The following SGCD variants were observed in gnomAD, a reference collection of about 807,000 sequenced individuals.
The protein encoded by SGCD is sarcoglycan delta.
SGCD carries 18 observed loss-of-function variants against 36.6 expected under a neutral mutation model. The ratio of observed to expected loss-of-function variants is 0.49; its 90% CI spans 0.34 to 0.73. The LOEUF is 0.73. Ranked by LOEUF, SGCD falls within the 30% of genes least tolerant of loss-of-function variation. SGCD has a pLI of 0.01. For synonymous variants in SGCD, 133 were observed against 130.6 expected, an observed-to-expected ratio of 1.02 and a Z score of -0.12; for missense variants, 387 against 346.7, an observed-to-expected ratio of 1.12 and a Z score of -0.92.
intron 3 of SGCD, among the ~76,000 whole-genome samples, chr5:156,348,949 A>G (rs1413782342): frequency 6.6e-6 from 1 of 152,144 alleles, no homozygotes; most frequent in Non-Finnish European, 1.5e-5. Context: ...ATAAAACCTA[A>G]TATTTAAAAT....
At chr5:155,734,237 G>A in the SGCD span, among the ~76,000 whole-genome samples, 3 of 150,456 alleles carry the variant, frequency 2.0e-5, no homozygotes, top group African/African-American at 7.3e-5. Context: ...ACAGGGTCTG[G>A]CTCTGTTGCC....
chr5:156,457,464 A>T (rs1274529913), intron 3 of SGCD, among the ~76,000 whole-genome samples: 1 of 152,250 alleles, frequency 6.6e-6, no homozygotes, highest in Admixed American at 6.5e-5. Flanking sequence ...TATTTGACAC[A>T]TCCATTCAAA....
At chr5:156,157,059 G>A (rs1170907418) in intron 3 of SGCD, among the ~76,000 whole-genome samples, 5 of 151,626 alleles carry the variant, frequency 3.3e-5, no homozygotes, top group South Asian at 2.1e-4. Flanking sequence ...GGATTTCTCT[G>A]TAAAGCAAGA....
At position 156,056,659 on chromosome 5, in the gene SGCD, A is replaced by AAAAAAAAAAAAAACAAAAAAC. The variant is rs1330447322; in HGVS notation, c.-281-61213_-281-61212insAAAAAAACAAAAAACAAAAAA. Reference sequence around the variant, plus strand: ...CAAATTATCCTTAAAAAAAAAAAAAAAAAAAACAGTCTCCAAATTTTCAGA... The same window carrying AAAAAAAAAAAAAACAAAAAAC: ...CAAATTATCCTTAAAAAAAAAAAAAAAAAAAAAAAAAAACAAAAAACAAAAAACAGTCTCCAAATTTTCAGA... On this transcript the variant is annotated intron_variant, in intron 1 of 9. Transcript: ENST00000517913. Among the ~76,000 whole-genome samples the AAAAAAAAAAAAAACAAAAAAC allele has an allele frequency of 1.3e-3, 183 of 141,932 alleles. 7 individuals carry two copies. The highest frequency in any genetic ancestry group is 4.5e-3 in the African/African-American group (173 of 38,852). The allele number at this position is 141,932 out of a possible 152,430, so 93.1% of individuals were successfully genotyped here. A position where few individuals can be genotyped will look rare whatever the true frequency, so the allele number is the denominator to read the frequency against.
chr5:156,096,973 A>G (rs1308076605), intron 1 of SGCD, among the ~76,000 whole-genome samples: 1 of 152,112 alleles, frequency 6.6e-6, no homozygotes, highest in Non-Finnish European at 1.5e-5. Context: ...TACCTGATAT[A>G]GAATTCATAG....
At chr5:156,425,654 C>G (rs1235041921) in intron 3 of SGCD, among the ~76,000 whole-genome samples, 1 of 151,138 alleles carries the variant, frequency 6.6e-6, no homozygotes, top group Non-Finnish European at 1.5e-5. Context: ...TTTGGTGCAC[C>G]CATCACCCGA....
intron 3 of SGCD, among the ~76,000 whole-genome samples, chr5:156,294,322 C>T (rs959168908): frequency 6.6e-6 from 1 of 152,000 alleles, no homozygotes; most frequent in Non-Finnish European, 1.5e-5. Context: ...GCCAGCTGGG[C>T]ACAATGGCTC....
At chr5:156,678,292 A>T (rs1010053215) in intron 7 of SGCD, among the ~76,000 whole-genome samples, 3 of 152,236 alleles carry the variant, frequency 2.0e-5, no homozygotes, top group African/African-American at 7.2e-5. Context: ...TTTGTTGAAT[A>T]AATGGGTAGG....
the SGCD span, among the ~76,000 whole-genome samples, chr5:155,794,730 G>GA: frequency 6.6e-6 from 1 of 151,502 alleles, no homozygotes; most frequent in Non-Finnish European, 1.5e-5. Flanking sequence ...AGTACTGGGA[G>GA]AAAAAAGAAT....
chr5:156,589,192 C>G (rs373713550), intron 4 of SGCD, 39 bp from the exon 5 acceptor site: 6 of 1,400,542 alleles, frequency 4.3e-6, no homozygotes, highest in Non-Finnish European at 5.9e-6. Flanking sequence ...GTTTAGAAAT[C>G]TATCATTTTC....
chr5:156,164,898 G>A lies in SGCD; in HGVS notation c.-44+40879G>A, dbSNP rs573716968. Reference sequence around the variant, plus strand: ...TCTTCATAAATTTATAAATAATTGGGAAAGATTGCAGTGACTGAAGAAATT... The same window carrying A: ...TCTTCATAAATTTATAAATAATTGGAAAAGATTGCAGTGACTGAAGAAATT... On this transcript the variant is annotated intron_variant, in intron 3 of 9. Coordinates refer to the SGCD transcript ENST00000517913. Among the ~76,000 whole-genome samples, 201 of 152,284 alleles carry A rather than the reference G, an allele frequency of 1.3e-3. 1 individual carries two copies. The highest frequency in any genetic ancestry group is 2.0e-3 in the Non-Finnish European group (135 of 68,022).
At chr5:156,419,635 G>A (rs1034912701) in intron 3 of SGCD, among the ~76,000 whole-genome samples, 1 of 152,138 alleles carries the variant, frequency 6.6e-6, no homozygotes, top group Non-Finnish European at 1.5e-5. Flanking sequence ...TGGGTTAGCA[G>A]CTGATTGGAG....
intron 3 of SGCD, among the ~76,000 whole-genome samples, chr5:156,301,454 T>G (rs34433314): frequency 9.9e-5 from 15 of 152,112 alleles, no homozygotes; most frequent in Non-Finnish European, 1.6e-4. Context: ...TATCTTATTA[T>G]ACTGTCTATG....
At chr5:156,354,381 G>A (rs1206557798) in intron 3 of SGCD, among the ~76,000 whole-genome samples, 1 of 152,026 alleles carries the variant, frequency 6.6e-6, no homozygotes, top group African/African-American at 2.4e-5. Context: ...GGGAAAGAGG[G>A]GATGGGGAAA....
chr5:156,277,046 A>G (rs1766335952), intron 3 of SGCD, among the ~76,000 whole-genome samples: 1 of 152,206 alleles, frequency 6.6e-6, no homozygotes, highest in South Asian at 2.1e-4. Flanking sequence ...TTCACATACC[A>G]GATGGTTATT....
chr5:155,891,410 A>G (rs889138756), intron 1 of SGCD, among the ~76,000 whole-genome samples: 1 of 152,136 alleles, frequency 6.6e-6, no homozygotes, highest in Non-Finnish European at 1.5e-5. Context: ...AAATTAAAGA[A>G]GTTGGGCTTA....
intron 4 of SGCD, among the ~76,000 whole-genome samples, chr5:156,581,697 CA>C (rs1432549902): frequency 1.2e-4 from 18 of 152,172 alleles, no homozygotes; most frequent in Admixed American, 1.1e-3. Flanking sequence ...TAGCAGTGAG[CA>C]AGGCTCTGTG....
At chr5:156,695,939 T>C (rs1754303159) in intron 7 of SGCD, among the ~76,000 whole-genome samples, 1 of 152,240 alleles carries the variant, frequency 6.6e-6, no homozygotes, top group African/African-American at 2.4e-5. Flanking sequence ...GATGAGCCAC[T>C]GGTTTTAAGT....
chr5:156,567,331 G>A (rs1759524963), intron 4 of SGCD, among the ~76,000 whole-genome samples: 1 of 148,112 alleles, frequency 6.8e-6, no homozygotes, highest in South Asian at 2.2e-4. Flanking sequence ...GGGGGAAGGA[G>A]AGAGGGAGGG....
Sources: allele counts gnomAD v4.1 joint callset (sites outside exome capture counted in the v4.1 genomes callset), GRCh38; gene constraint gnomAD v4.1.1; transcripts MANE v1.5; gene names NCBI Gene and HGNC (gene_info 2026-07-23, HGNC 2026-07-21).